FAM110B: variants seen among roughly 807,000 people sequenced by gnomAD.
The protein encoded by FAM110B is family with sequence similarity 110 member B.
Under a neutral mutation model 20.4 loss-of-function variants are expected in FAM110B, and 6 were observed. The observed-to-expected ratio is 0.29, with a 90% confidence interval of 0.16 to 0.58. FAM110B has a LOEUF of 0.58. FAM110B is among the 20% of genes least tolerant of loss of function. The pLI, the probability that FAM110B is intolerant of heterozygous loss-of-function variation, is 0.90. For missense variants in FAM110B, 434 were observed against 498.2 expected (o/e 0.87, Z 1.23); for synonymous variants, 226 against 214.1 (o/e 1.06, Z -0.49).
chr8:58,092,297 C>T (rs559540853), intron 3 of FAM110B, among the ~76,000 whole-genome samples: 3 of 151,828 alleles, frequency 2.0e-5, no homozygotes, highest in African/African-American at 4.8e-5. Flanking sequence ...GCAGAATGTG[C>T]GGGTTTGTTA....
chr8:58,115,561 T>A (rs1044066526), intron 3 of FAM110B, among the ~76,000 whole-genome samples: 4 of 152,014 alleles, frequency 2.6e-5, no homozygotes, highest in Non-Finnish European at 5.9e-5. Flanking sequence ...GCCTGGCTAA[T>A]TTTTGTATTT....
At chr8:57,996,061 A>AT (rs1229439374) in intron 1 of FAM110B, among the ~76,000 whole-genome samples, 1 of 152,160 alleles carries the variant, frequency 6.6e-6, no homozygotes, top group Non-Finnish European at 1.5e-5. Flanking sequence ...TCTTGTACTC[A>AT]TTTTTGTGAC....
chr8:58,071,978 T>C (rs1390735406), intron 2 of FAM110B, among the ~76,000 whole-genome samples: 1 of 152,146 alleles, frequency 6.6e-6, no homozygotes, highest in African/African-American at 2.4e-5. Flanking sequence ...GTTTTGCTCT[T>C]TCCAGAAGTC....
intron 1 of FAM110B, among the ~76,000 whole-genome samples, chr8:57,995,140 G>C (rs1804156159): frequency 6.6e-6 from 1 of 152,142 alleles, no homozygotes; most frequent in Non-Finnish European, 1.5e-5. Context: ...GCTGGAGCCG[G>C]GGTTGGAGCC....
chr8:58,070,975 T>C (rs75712035), intron 2 of FAM110B, among the ~76,000 whole-genome samples: 8,070 of 152,258 alleles, frequency 0.053, 729 homozygotes, highest in African/African-American at 0.18. Context: ...ATTTAAAGTG[T>C]ATATTTAGCT....
At chr8:58,045,703 C>T (rs575338343) in intron 2 of FAM110B, among the ~76,000 whole-genome samples, 31 of 152,208 alleles carry the variant, frequency 2.0e-4, no homozygotes, top group Non-Finnish European at 5.9e-5. Flanking sequence ...GCACTATGGA[C>T]CACAGACCAA....
intron 3 of FAM110B, among the ~76,000 whole-genome samples, chr8:58,117,813 A>G (rs965954839): frequency 1.3e-5 from 2 of 152,230 alleles, no homozygotes; most frequent in African/African-American, 2.4e-5. Flanking sequence ...AACATAGTCT[A>G]TAACCAGAAG....
intron 1 of FAM110B, among the ~76,000 whole-genome samples, chr8:58,009,398 C>T (rs1303320778): frequency 6.6e-6 from 1 of 152,106 alleles, no homozygotes; most frequent in Non-Finnish European, 1.5e-5. Flanking sequence ...AGTGTAGGGG[C>T]CACGGGACAC....
chr8:58,018,852 A>AGAT (rs1804688291), intron 1 of FAM110B, among the ~76,000 whole-genome samples: 1 of 152,140 alleles, frequency 6.6e-6, no homozygotes, highest in Non-Finnish European at 1.5e-5. Context: ...ATAGATAGAT[A>AGAT]GATAGAGAAT....
At chr8:58,125,937 T>G (rs1807491371) in intron 3 of FAM110B, among the ~76,000 whole-genome samples, 1 of 152,196 alleles carries the variant, frequency 6.6e-6, no homozygotes, top group South Asian at 2.1e-4. Flanking sequence ...TATATAATTA[T>G]AGTACAGTAT....
At chr8:58,026,611 A>G (rs1407686178) in intron 1 of FAM110B, among the ~76,000 whole-genome samples, 2 of 152,100 alleles carry the variant, frequency 1.3e-5, no homozygotes, top group African/African-American at 2.4e-5. Flanking sequence ...CGTGACCACA[A>G]CTGGATTTAA....
In FAM110B at chr8:58,081,647, T is replaced by G. The variant is rs575647721; in HGVS notation, c.-325+6024T>G. Among the ~76,000 whole-genome samples the G allele has an allele frequency of 6.6e-5, 10 of 152,316 alleles. No homozygotes were observed. In the South Asian group the frequency reaches 1.2e-3, roughly 19 times the overall value. On this transcript the variant is annotated intron_variant, in intron 3 of 3. Transcript: ENST00000519262. ...GCTTACTCAAAGTCAGCGTCTGTTA[T>G]TCTGCTCATGTTCCCTACACACCTG...
chr8:58,082,465 T>C (rs1346888737), intron 3 of FAM110B, among the ~76,000 whole-genome samples: 1 of 152,240 alleles, frequency 6.6e-6, no homozygotes, highest in African/African-American at 2.4e-5. Flanking sequence ...TCATTTACAT[T>C]CTATGTCCTC....
intron 1 of FAM110B, among the ~76,000 whole-genome samples, chr8:58,009,409 G>A (rs574061383): frequency 1.3e-5 from 2 of 152,316 alleles, no homozygotes; most frequent in South Asian, 2.1e-4. Flanking sequence ...CACGGGACAC[G>A]TGGCTGCCCA....
chr8:58,040,848 C>T (rs1460575278), intron 2 of FAM110B, among the ~76,000 whole-genome samples: 1 of 151,340 alleles, frequency 6.6e-6, no homozygotes, highest in Non-Finnish European at 1.5e-5. Context: ...GTTGGCATAC[C>T]ATGGTTTATA....
intron 3 of FAM110B, among the ~76,000 whole-genome samples, chr8:58,126,838 A>G (rs538995554): frequency 3.4e-4 from 52 of 152,212 alleles, no homozygotes; most frequent in Non-Finnish European, 5.7e-4. Context: ...TATTTTCCCC[A>G]GTCTGTTGCC....
chr8:58,038,609 A>G (rs1485750941), intron 2 of FAM110B, among the ~76,000 whole-genome samples: 4 of 152,130 alleles, frequency 2.6e-5, no homozygotes, highest in Non-Finnish European at 5.9e-5. Flanking sequence ...AAAGTTAGCC[A>G]GGTGTAGGGG....
At chr8:58,067,729 C>T (rs1805802876) in intron 2 of FAM110B, among the ~76,000 whole-genome samples, 1 of 152,182 alleles carries the variant, frequency 6.6e-6, no homozygotes, top group Non-Finnish European at 1.5e-5. Flanking sequence ...ACAGTATTTC[C>T]AGGGTGCAGC....
intron 1 of FAM110B, among the ~76,000 whole-genome samples, chr8:58,006,921 A>ATTTTTTTTTTTTT (rs142497701): frequency 1.1e-4 from 13 of 119,652 alleles, no homozygotes; most frequent in Admixed American, 9.9e-4. Context: ...ATATATATAT[A>ATTTTTTTTTTTTT]TATTTTTCCA....
Sources: gnomAD v4.1 joint callset for allele counts (sites outside exome capture counted in the v4.1 genomes callset) on GRCh38, gnomAD v4.1.1 for gene constraint, MANE v1.5 for transcripts, NCBI Gene and HGNC (gene_info 2026-07-23, HGNC 2026-07-21) for gene names.